TGFBRAP1: variants seen among roughly 807,000 people sequenced by gnomAD.
The protein encoded by TGFBRAP1 is transforming growth factor-beta receptor-associated protein 1.
TGFBRAP1 carries 20 observed loss-of-function variants against 83.2 expected under a neutral mutation model. That is an observed-to-expected ratio of 0.24 (90% CI 0.17 to 0.35). TGFBRAP1 has a LOEUF of 0.35. Ranked by LOEUF, TGFBRAP1 falls within the 10% of genes least tolerant of loss-of-function variation. The probability of loss-of-function intolerance (pLI) is 1.00; values close to 1 mark genes in which losing one functional copy is unlikely to be tolerated. For synonymous variants in TGFBRAP1, 415 were observed against 459.8 expected (o/e 0.90, Z 1.25); for missense variants, 950 against 1,099.4 (o/e 0.86, Z 1.92).
At position 105,269,685 on chromosome 2, in the gene TGFBRAP1, G is replaced by A. The variant is rs769114421; in HGVS notation, c.1993C>T (p.Leu665=). 1.3e-6 allele frequency: 2 copies of A among 1,552,746 alleles called. No individual in the cohort carries two copies. The highest frequency in any genetic ancestry group is 1.7e-6 in the Non-Finnish European group (2 of 1,145,914). ...TGCAGGATGGCGCTCTCCATGGGCA[G>A]GCCAGCTCCCTGCAGCCTCTCTGCA... ...FLLERLQGAG[L]PMESAILHGK... is the part of the protein sequence containing the mutation. The change falls in exon 11 of 12, where the codon CTG becomes TTG. Residue 665 remains leucine (L), a synonymous_variant. Coordinates refer to ENST00000393359, the MANE Select transcript of TGFBRAP1 (RefSeq NM_004257.6). The surrounding 1 kb of genome is among the most constrained non-coding windows in gnomAD (Gnocchi z 4.1).
At chr2:105,260,820 T>C (rs573739517), downstream of TGFBRAP1, among the ~76,000 whole-genome samples, 2 of 152,266 alleles carry the variant, frequency 1.3e-5, no homozygotes, top group South Asian at 2.1e-4. Flanking sequence ...ACATGCAAAA[T>C]GCACTTAAAT....
rs1028585575 is a variant in TGFBRAP1, at chr2:105,265,905, G to A, written c.*1478C>T. ...CATGTTTTAAAGAACAGAGAATGAG[G>A]TCTTCATCCCACCTCAGTAAGGCTT... On this transcript the variant is annotated 3_prime_UTR_variant, in exon 12 of 12. Transcript: ENST00000393359. 6.6e-6 allele frequency: 1 copy of A among 152,214 alleles called. No individual in the cohort carries two copies. The highest frequency in any genetic ancestry group is 2.4e-5 in the African/African-American group (1 of 41,452). 9.4% of individuals were successfully genotyped at this position (152,214 alleles called of 1,614,324 possible).
chr2:105,296,363 T>TTTTC lies in TGFBRAP1; in HGVS notation c.1027_1030dup (p.Lys344ArgfsTer28). 6.2e-7 allele frequency: 1 copy of TTTTC among 1,613,616 alleles called. No homozygotes were observed. On this transcript the variant is annotated frameshift_variant, in exon 4 of 12. Transcript: ENST00000393359. LOFTEE classifies it high-confidence loss of function. ...GACCAGTTAATTACAAACCTGAAATTTTTCCTTTGGAATGTTCCTCCGGGC... is the reference window on the plus strand; with the variant it reads ...GACCAGTTAATTACAAACCTGAAATTTTTCTTTCCTTTGGAATGTTCCTCCGGGC...
At chr2:105,255,489 C>T in the TGFBRAP1 span, among the ~76,000 whole-genome samples, 1 of 152,074 alleles carries the variant, frequency 6.6e-6, no homozygotes, top group Non-Finnish European at 1.5e-5. Flanking sequence ...ACCTGACTAA[C>T]GTTTTACTTT....
At chr2:105,309,860 G>A (rs1678637031) in intron 1 of TGFBRAP1, among the ~76,000 whole-genome samples, 1 of 152,118 alleles carries the variant, frequency 6.6e-6, no homozygotes, top group South Asian at 2.1e-4. Context: ...GGTCATGAGG[G>A]TGGAGCCCTT....
intron 2 of TGFBRAP1, among the ~76,000 whole-genome samples, chr2:105,305,556 T>A (rs1678467017): frequency 6.6e-6 from 1 of 152,140 alleles, no homozygotes; most frequent in East Asian, 1.9e-4. Flanking sequence ...TACAAAAAAC[T>A]TTTTGGTGGG....
chr2:105,298,138 A>G (rs987437020), intron 3 of TGFBRAP1, among the ~76,000 whole-genome samples: 7 of 152,100 alleles, frequency 4.6e-5, no homozygotes, highest in African/African-American at 1.7e-4. Context: ...ACAGATTCGC[A>G]TACACCTTTC....
At chr2:105,258,439 T>C in the TGFBRAP1 span, among the ~76,000 whole-genome samples, 40 of 152,074 alleles carry the variant, frequency 2.6e-4, no homozygotes, top group Admixed American at 1.0e-3. Context: ...AGGGCCTGAA[T>C]AGAACAGAAG....
At chr2:105,284,164 G>A (rs546497447) in intron 5 of TGFBRAP1, 152 bp downstream of exon 5, 13 of 656,892 alleles carry the variant, frequency 2.0e-5, no homozygotes, top group Non-Finnish European at 2.4e-5. Context: ...CAGCATTGGC[G>A]GGGTCTGCTG....
At chr2:105,315,612 C>T (rs1678830540) in intron 1 of TGFBRAP1, among the ~76,000 whole-genome samples, 1 of 152,064 alleles carries the variant, frequency 6.6e-6, no homozygotes, top group African/African-American at 2.4e-5. Context: ...AAAGATGCTC[C>T]CTATCTTTAA....
chr2:105,257,103 C>A, the TGFBRAP1 span, among the ~76,000 whole-genome samples: 6 of 152,128 alleles, frequency 3.9e-5, no homozygotes, highest in African/African-American at 1.4e-4. Context: ...TATGGAGTAA[C>A]CATTCTTTTA....
chr2:105,278,654 T>C (rs1243093733), intron 6 of TGFBRAP1, among the ~76,000 whole-genome samples: 1 of 152,142 alleles, frequency 6.6e-6, no homozygotes, highest in Non-Finnish European at 1.5e-5. Context: ...CCTCCCAAAG[T>C]CTGCAAGGGT....
At chr2:105,277,524 C>T in intron 7 of TGFBRAP1, 90 bp downstream of exon 7, 1 of 1,112,766 alleles carries the variant, frequency 9.0e-7, no homozygotes, top group Non-Finnish European at 1.3e-6. Flanking sequence ...AAAGTGGTCT[C>T]TATCAACTTG....
chr2:105,297,121 G>C (rs941836080), intron 3 of TGFBRAP1, among the ~76,000 whole-genome samples: 14 of 152,094 alleles, frequency 9.2e-5, no homozygotes, highest in African/African-American at 3.4e-4. Context: ...GTCTGTGGAA[G>C]AGTCAGAACT....
chr2:105,296,384 C>G lies in TGFBRAP1; in HGVS notation c.1010G>C (p.Arg337Pro), dbSNP rs768778929. 1 of 1,613,820 alleles carries G rather than the reference C, an allele frequency of 6.2e-7. No individual in the cohort carries two copies. The highest frequency in any genetic ancestry group is 2.2e-5 in the East Asian group (1 of 44,872). ...AAATTTTTCCTTTGGAATGTTCCTC[C>G]GGGCTCCTTTTGCTAAAACCAAAGC... is the stretch of plus-strand genomic sequence containing the variant. ...EEALVLAKGARRNIPKEKFQV... is the reference protein window; with the variant it reads ...EEALVLAKGAPRNIPKEKFQV... Residue 337 changes from arginine (R) to proline (P), a missense_variant, in exon 4 of 12, where the codon CGG (arginine) becomes CCG (proline). Coordinates refer to ENST00000393359, the MANE Select transcript of TGFBRAP1 (RefSeq NM_004257.6).
rs778873453 is a variant in TGFBRAP1, at chr2:105,308,058, G to A, written c.244C>T (p.Leu82=). The change falls in exon 2 of 12, where the codon CTG becomes TTG. Residue 82 remains leucine (L), a synonymous_variant. Transcript: ENST00000393359. The stretch of plus-strand genomic sequence containing the variant: ...CTGTTGAGTGCTGAGGCCGCACGCA[G>A]CTCGTTCACGGGCTTCTTGAAGCCC... ...HLGFKKPVNE[L]RAASALNRLL... is the part of the protein sequence containing the mutation. 1.9e-6 allele frequency: 3 copies of A among 1,613,734 alleles called. No homozygotes were observed. In the East Asian group the frequency reaches 6.7e-5, roughly 36 times the overall value.
intron 7 of TGFBRAP1, among the ~76,000 whole-genome samples, chr2:105,276,307 C>A (rs990991662): frequency 6.6e-6 from 1 of 152,134 alleles, no homozygotes. Context: ...ACTTTCAGGA[C>A]CCCAGAATGA....
intron 4 of TGFBRAP1, among the ~76,000 whole-genome samples, chr2:105,295,863 T>A (rs1678073186): frequency 6.6e-6 from 1 of 151,102 alleles, no homozygotes; most frequent in Admixed American, 6.6e-5. Flanking sequence ...TAGATGGGGT[T>A]CCTACAATAC....
chr2:105,305,540 G>C (rs1004437872), intron 2 of TGFBRAP1, among the ~76,000 whole-genome samples: 2 of 152,190 alleles, frequency 1.3e-5, no homozygotes, highest in Admixed American at 1.3e-4. Flanking sequence ...CTTTTGAGGA[G>C]CTAGCTACAA....
Sources: gnomAD v4.1 joint callset for allele counts (sites outside exome capture counted in the v4.1 genomes callset) on GRCh38, gnomAD v4.1.1 for gene constraint, Gnocchi (gnomAD v3.1) non-coding constraint, MANE v1.5 for transcripts, NCBI Gene and HGNC (gene_info 2026-07-23, HGNC 2026-07-21) for gene names.